The following CERT1 variants were observed in gnomAD, a reference collection of about 807,000 sequenced individuals.
CERT1 encodes ceramide transporter 1, also known as ceramide transfer protein.
A neutral mutation model predicts 87.9 loss-of-function variants in CERT1; 31 were observed. The observed-to-expected ratio is 0.35, with a 90% confidence interval of 0.27 to 0.48. CERT1 has a LOEUF of 0.48. CERT1 is among the 20% of genes least tolerant of loss of function. The pLI is 0.99. For synonymous variants in CERT1, 289 were observed against 250.9 expected (o/e 1.15, Z -1.44); for missense variants, 487 against 758.0 (o/e 0.64, Z 4.20).
intron 16 of CERT1, among the ~76,000 whole-genome samples, chr5:75,379,795 G>C (rs1331934919): frequency 6.6e-6 from 1 of 152,116 alleles, no homozygotes; most frequent in Non-Finnish European, 1.5e-5. Flanking sequence ...ATGTTGGCTA[G>C]GATGGTCTCG....
At chr5:75,387,751 GAAAA>G (rs376675184) in intron 12 of CERT1, among the ~76,000 whole-genome samples, 1 of 129,360 alleles carries the variant, frequency 7.7e-6, no homozygotes, top group Non-Finnish European at 1.7e-5. Flanking sequence ...TCAAAAAAAA[GAAAA>G]AAAAAAAAAG....
At chr5:75,373,325 A>G (rs912687074), downstream of CERT1, 1 of 152,160 alleles carries the variant, frequency 6.6e-6, no homozygotes, top group African/African-American at 2.4e-5. Context: ...GAAAACATGA[A>G]CTTATCTTGA....
At chr5:75,481,797 T>A (rs1766260539) in intron 2 of CERT1, among the ~76,000 whole-genome samples, 1 of 152,160 alleles carries the variant, frequency 6.6e-6, no homozygotes, top group African/African-American at 2.4e-5. Flanking sequence ...CGTCTTTAAT[T>A]TTTGCTCTCG....
intron 3 of CERT1, among the ~76,000 whole-genome samples, chr5:75,450,545 G>T (rs1764730156): frequency 1.3e-5 from 2 of 152,148 alleles, no homozygotes; most frequent in African/African-American, 2.4e-5. Flanking sequence ...CCCGATCCAG[G>T]TCTTTTTCTG....
chr5:75,457,909 CGTGTGT>C (rs34777423), intron 3 of CERT1, among the ~76,000 whole-genome samples: 71 of 144,394 alleles, frequency 4.9e-4, no homozygotes, highest in African/African-American at 1.7e-3. Flanking sequence ...TATAGGCGCG[CGTGTGT>C]GTGTGTGTGT....
At chr5:75,440,021 T>C (rs1258505753) in intron 3 of CERT1, among the ~76,000 whole-genome samples, 1 of 152,098 alleles carries the variant, frequency 6.6e-6, no homozygotes, top group East Asian at 1.9e-4. Flanking sequence ...CATTACTTAT[T>C]GCCTTCCCTG....
At chr5:75,380,908 G>A (rs905461981) in intron 16 of CERT1, among the ~76,000 whole-genome samples, 164 bp downstream of exon 16, 1 of 151,642 alleles carries the variant, frequency 6.6e-6, no homozygotes, top group Non-Finnish European at 1.5e-5. Context: ...TCAGACATCT[G>A]TACTTTCAAA....
intron 2 of CERT1, among the ~76,000 whole-genome samples, chr5:75,492,038 A>G (rs1766820722): frequency 1.3e-5 from 2 of 152,182 alleles, no homozygotes; most frequent in African/African-American, 4.8e-5. Flanking sequence ...GTCCTTATTT[A>G]TATTTTAAAA....
chr5:75,430,763 T>G (rs913768494), intron 3 of CERT1, among the ~76,000 whole-genome samples: 6 of 149,680 alleles, frequency 4.0e-5, no homozygotes, highest in Admixed American at 6.7e-5. Flanking sequence ...CTTGATTAGG[T>G]GCAGTGGCTC....
intron 5 of CERT1, among the ~76,000 whole-genome samples, chr5:75,425,012 G>C (rs1032070522): frequency 2.0e-5 from 3 of 152,084 alleles, no homozygotes; most frequent in Non-Finnish European, 2.9e-5. Context: ...TAGCAACCTG[G>C]GTGGCTGAGA....
rs906225771 is a variant in CERT1 at position 75,384,778 on chromosome 5, T to C, written c.1418-66A>G. On this transcript the variant is annotated intron_variant, in intron 13 of 16. Coordinates refer to ENST00000643780, the MANE Select transcript of CERT1 (RefSeq NM_001379029.1). The stretch of plus-strand genomic sequence containing the variant: ...CTAGAATGTGATCAATTCACTTATG[T>C]TGAAAGTCAAGTACGAATGGACAGT... 4.5e-5 allele frequency: 48 copies of C among 1,074,712 alleles called. 1 individual carries two copies. The East Asian group carries it at 1.1e-3, about 25-fold the overall frequency. The allele number at this position is 1,074,712 out of a possible 1,614,324, so 66.6% of individuals were successfully genotyped here.
downstream of CERT1, chr5:75,374,650 T>C: frequency 1.5e-6 from 1 of 645,944 alleles, no homozygotes; most frequent in Middle Eastern, 4.3e-4. Context: ...GATGTCTATG[T>C]GCTTCCCAAG....
intron 7 of CERT1, among the ~76,000 whole-genome samples, chr5:75,413,409 T>C (rs1763010345): frequency 6.6e-6 from 1 of 152,252 alleles, no homozygotes; most frequent in African/African-American, 2.4e-5. Flanking sequence ...TTTCATTAAT[T>C]GATTTTTGTG....
At chr5:75,393,860 G>A (rs1337447434) in intron 11 of CERT1, among the ~76,000 whole-genome samples, 1 of 151,854 alleles carries the variant, frequency 6.6e-6, no homozygotes, top group Non-Finnish European at 1.5e-5. Flanking sequence ...AGATACTCAG[G>A]AGTCTGAGGC....
chr5:75,493,341 C>A (rs1766889967), intron 2 of CERT1, among the ~76,000 whole-genome samples: 1 of 152,184 alleles, frequency 6.6e-6, no homozygotes, highest in Admixed American at 6.5e-5. Flanking sequence ...TGTAAGTATG[C>A]ATCTCTAAAA....
intron 2 of CERT1, among the ~76,000 whole-genome samples, chr5:75,474,541 A>T (rs1443221190): frequency 6.6e-6 from 1 of 152,160 alleles, no homozygotes; most frequent in Non-Finnish European, 1.5e-5. Context: ...GCACTAATCC[A>T]ATCTGAAGAA....
intron 2 of CERT1, among the ~76,000 whole-genome samples, chr5:75,495,709 G>A (rs914296755): frequency 6.6e-6 from 1 of 152,252 alleles, no homozygotes; most frequent in Non-Finnish European, 1.5e-5. Flanking sequence ...ACAACAGAGT[G>A]CCACTGCAGA....
At chr5:75,419,507 C>A in intron 5 of CERT1, 83 bp from the exon 6 acceptor site, 1 of 894,716 alleles carries the variant, frequency 1.1e-6, no homozygotes, top group South Asian at 1.5e-5. Context: ...AGTCATTTTA[C>A]TCTGGATTCT....
At position 75,511,575 on chromosome 5, in the gene CERT1, C is replaced by A; in HGVS notation, c.-368G>T. On this transcript the variant is annotated 5_prime_UTR_variant, in exon 1 of 17. Coordinates refer to ENST00000643780, the MANE Select transcript of CERT1 (RefSeq NM_001379029.1). ...AAGAGAAAATCCGGCCGCTGAGTCC[C>A]GCGTCCACTCACACCTCCGCTACCG... is the stretch of plus-strand genomic sequence containing the variant. 6.8e-7 allele frequency: 1 copy of A among 1,461,252 alleles called. No homozygotes were observed. The highest frequency in any genetic ancestry group is 9.0e-7 in the Non-Finnish European group (1 of 1,108,042). The allele number at this position is 1,461,252 out of a possible 1,614,324, so 90.5% of individuals were successfully genotyped here.
Sources: allele counts gnomAD v4.1 joint callset (sites outside exome capture counted in the v4.1 genomes callset), GRCh38; gene constraint gnomAD v4.1.1; transcripts MANE v1.5; gene names NCBI Gene and HGNC (gene_info 2026-07-23, HGNC 2026-07-21).